WDR41: variants seen among roughly 807,000 people sequenced by gnomAD.
WDR41 encodes WD repeat-containing protein 41.
A neutral mutation model predicts 69.3 loss-of-function variants in WDR41; 63 were observed. That is an observed-to-expected ratio of 0.91 (90% CI 0.74 to 1.12). The LOEUF (loss-of-function observed/expected upper bound fraction) is 1.12, where lower values mean the gene tolerates loss of function less well. WDR41 is among the 50% of genes most tolerant of loss of function. The pLI, the probability that WDR41 is intolerant of heterozygous loss-of-function variation, is 0.00. For synonymous variants in WDR41, 185 were observed against 192.1 expected, an observed-to-expected ratio of 0.96 and a Z score of 0.31; for missense variants, 543 against 534.5, an observed-to-expected ratio of 1.02 and a Z score of -0.16.
intron 1 of WDR41, among the ~76,000 whole-genome samples, chr5:77,586,302 G>GTAGT (rs1554037819): frequency 2.0e-5 from 3 of 150,648 alleles, no homozygotes; most frequent in African/African-American, 4.9e-5. Flanking sequence ...ATTTATTTAT[G>GTAGT]TATTTATTTA....
At chr5:77,495,486 T>C (rs992875455), upstream of WDR41, among the ~76,000 whole-genome samples, 5 of 152,012 alleles carry the variant, frequency 3.3e-5, no homozygotes, top group African/African-American at 1.2e-4. Context: ...ATGCGACCAC[T>C]ATGAACAATC....
At chr5:77,543,054 A>T (rs1486979471) in intron 1 of WDR41, among the ~76,000 whole-genome samples, 1 of 152,196 alleles carries the variant, frequency 6.6e-6, no homozygotes, top group African/African-American at 2.4e-5. Context: ...GAAGAGAGAT[A>T]ACAATCACTA....
chr5:77,568,955 T>G (rs1222147222), intron 1 of WDR41, among the ~76,000 whole-genome samples: 1 of 152,088 alleles, frequency 6.6e-6, no homozygotes, highest in Non-Finnish European at 1.5e-5. Context: ...GAGACTGCAG[T>G]GTCACAGAGT....
intron 1 of WDR41, among the ~76,000 whole-genome samples, chr5:77,575,732 A>C (rs922124709): frequency 5.3e-5 from 8 of 151,684 alleles, no homozygotes; most frequent in African/African-American, 1.9e-4. Context: ...GTAGAAAAAC[A>C]CTGGGAAGTA....
chr5:77,495,182 G>A (rs1261525251), upstream of WDR41, among the ~76,000 whole-genome samples: 1 of 151,888 alleles, frequency 6.6e-6, no homozygotes, highest in Non-Finnish European at 1.5e-5. Context: ...TAAAAAAGAA[G>A]ATCTAAAATC....
chr5:77,451,438 C>T (rs983546591), intron 6 of WDR41, 85 bp from the exon 7 acceptor site: 2 of 1,274,786 alleles, frequency 1.6e-6, no homozygotes, highest in African/African-American at 1.5e-5. Flanking sequence ...TTATGTCAGT[C>T]GTTTTCCATA....
chr5:77,542,698 G>C (rs1208571300), intron 1 of WDR41, among the ~76,000 whole-genome samples: 1 of 152,164 alleles, frequency 6.6e-6, no homozygotes, highest in East Asian at 1.9e-4. Context: ...AGAGCAATCA[G>C]ACAAGAGAAA....
rs567640027 is a variant in WDR41, at chr5:77,531,364, T to C, written c.43-41792A>G. On this transcript the variant is annotated intron_variant, in intron 1 of 5. Transcript: ENST00000509971. ...GGCAAAGGACTTGAATAAACGTTTT[T>C]CCAAGGAAAATATATAAATGGCCAA... is the stretch of plus-strand genomic sequence containing the variant. Among the ~76,000 whole-genome samples, 5 of 152,042 alleles carry C rather than the reference T, an allele frequency of 3.3e-5. No homozygotes were observed. In the South Asian group the frequency reaches 1.0e-3, roughly 32 times the overall value.
intron 1 of WDR41, among the ~76,000 whole-genome samples, chr5:77,592,348 T>C (rs56351012): frequency 0.17 from 26,575 of 152,142 alleles, 2,763 homozygotes; most frequent in Admixed American, 0.24. Flanking sequence ...GGTCTAAATC[T>C]CCCATATTAA....
intron 12 of WDR41, among the ~76,000 whole-genome samples, chr5:77,434,088 G>A (rs1013507823): frequency 2.6e-5 from 4 of 152,188 alleles, no homozygotes; most frequent in African/African-American, 4.8e-5. Flanking sequence ...TCAGCACTTC[G>A]GGAGGCTGAG....
chr5:77,517,303 C>T (rs1454079025), intron 1 of WDR41, among the ~76,000 whole-genome samples: 4 of 152,068 alleles, frequency 2.6e-5, no homozygotes, highest in African/African-American at 9.7e-5. Context: ...TATAGATCTT[C>T]ATCTTTAAAC....
At chr5:77,480,330 A>G (rs1285734956) in intron 2 of WDR41, 1 of 152,066 alleles carries the variant, frequency 6.6e-6, no homozygotes, top group Non-Finnish European at 1.5e-5. Context: ...CTGGGTATAT[A>G]CCCAAAGGAC....
Position 77,504,810 on chromosome 5 carries a change from G to A in WDR41, c.43-15238C>T, listed in dbSNP as rs373372962. Reference sequence around the variant, plus strand: ...CTCAATAGATGCAGTAAAGGCCTTCGACAAAATTCAACAGCCCTTCACGCT... The same window carrying A: ...CTCAATAGATGCAGTAAAGGCCTTCAACAAAATTCAACAGCCCTTCACGCT... On this transcript the variant is annotated intron_variant, in intron 1 of 5. Coordinates refer to the WDR41 transcript ENST00000509971. Among the ~76,000 whole-genome samples the A allele has an allele frequency of 1.2e-4, 18 of 152,170 alleles. No homozygotes were observed. The East Asian group carries it at 2.1e-3, about 18-fold the overall frequency.
chr5:77,590,951 T>C (rs1006256244), intron 1 of WDR41, among the ~76,000 whole-genome samples: 1 of 152,200 alleles, frequency 6.6e-6, no homozygotes, highest in African/African-American at 2.4e-5. Context: ...GATTACCTAA[T>C]GTTTGGAAAT....
chr5:77,592,119 A>T (rs1744146999), intron 1 of WDR41, among the ~76,000 whole-genome samples: 1 of 152,140 alleles, frequency 6.6e-6, no homozygotes, highest in South Asian at 2.1e-4. Flanking sequence ...TTGTCTTAGT[A>T]AAGTCTACTT....
chr5:77,465,294 G>A (rs1800255153), intron 2 of WDR41, among the ~76,000 whole-genome samples: 1 of 152,006 alleles, frequency 6.6e-6, no homozygotes, highest in Non-Finnish European at 1.5e-5. Flanking sequence ...TTTGTTCTTG[G>A]TTTGGAAGAT....
At chr5:77,504,870 T>C (rs1401102947) in intron 1 of WDR41, among the ~76,000 whole-genome samples, 1 of 152,190 alleles carries the variant, frequency 6.6e-6, no homozygotes, top group Non-Finnish European at 1.5e-5. Context: ...CGATGGAACG[T>C]ATCTCAAAAT....
chr5:77,597,410 A>G (rs1744246511), intron 1 of WDR41, among the ~76,000 whole-genome samples: 1 of 152,154 alleles, frequency 6.6e-6, no homozygotes. Flanking sequence ...TAGTTTCTTT[A>G]TTTAGTTCTC....
At chr5:77,580,403 C>A (rs1458393440) in intron 1 of WDR41, among the ~76,000 whole-genome samples, 4 of 152,084 alleles carry the variant, frequency 2.6e-5, no homozygotes, top group African/African-American at 9.7e-5. Flanking sequence ...TCAAGAACAG[C>A]ATGGGAGAAA....
Sources: allele counts gnomAD v4.1 joint callset (sites outside exome capture counted in the v4.1 genomes callset), GRCh38; gene constraint gnomAD v4.1.1; transcripts MANE v1.5; gene names NCBI Gene and HGNC (gene_info 2026-07-23, HGNC 2026-07-21).